Variants in ALS2 observed in about 807,000 individuals in gnomAD.
ALS2 encodes the protein alsin Rho guanine nucleotide exchange factor ALS2.
ALS2 carries 117 observed loss-of-function variants against 203.4 expected under a neutral mutation model. The observed-to-expected ratio is 0.58, with a 90% CI of 0.50 to 0.67. The LOEUF (loss-of-function observed/expected upper bound fraction) is 0.67, where lower values mean the gene tolerates loss of function less well. Ranked by LOEUF, ALS2 falls within the 30% of genes least tolerant of loss-of-function variation. The probability of loss-of-function intolerance (pLI) is 0.00; values close to 1 mark genes in which losing one functional copy is unlikely to be tolerated. For synonymous variants in ALS2, 718 were observed against 725.9 expected (o/e 0.99, Z 0.17); for missense variants, 1,715 against 1,989.4 (o/e 0.86, Z 2.62).
intron 29 of ALS2, among the ~76,000 whole-genome samples, chr2:201,706,535 T>TTATATA (rs34345642): frequency 0.052 from 7,489 of 143,740 alleles, 272 homozygotes; most frequent in East Asian, 0.21. Flanking sequence ...AGCTCACACT[T>TTATATA]TATATATATA....
At chr2:201,704,080 A>C (rs746460157) in intron 33 of ALS2, 42 bp downstream of exon 33, 2 of 1,520,708 alleles carry the variant, frequency 1.3e-6, no homozygotes, top group Non-Finnish European at 1.8e-6. Flanking sequence ...AATGAAAGAC[A>C]GATATGAAGA....
chr2:201,747,426 G>T (rs1442585845), intron 8 of ALS2, among the ~76,000 whole-genome samples: 1 of 151,312 alleles, frequency 6.6e-6, no homozygotes, highest in Non-Finnish European at 1.5e-5. Context: ...GCTACTGGGG[G>T]AAGGGGAATG....
intron 25 of ALS2, among the ~76,000 whole-genome samples, chr2:201,712,770 G>A (rs201295943): frequency 6.6e-6 from 1 of 150,388 alleles, no homozygotes; most frequent in African/African-American, 2.4e-5. Flanking sequence ...AAAAAGAAAA[G>A]AAGGTGAAAA....
chr2:201,735,753 G>A (rs1285635894), intron 12 of ALS2, among the ~76,000 whole-genome samples: 4 of 152,068 alleles, frequency 2.6e-5, no homozygotes, highest in East Asian at 1.9e-4. Context: ...AATCTAACTC[G>A]GAAATACCAG....
chr2:201,723,655 G>T (rs1690960686), intron 21 of ALS2, among the ~76,000 whole-genome samples: 2 of 152,288 alleles, frequency 1.3e-5, no homozygotes, highest in East Asian at 3.9e-4. Flanking sequence ...ATTTAATGTT[G>T]TGGTCTGACA....
At chr2:201,750,178 A>AAG (rs1375514665) in intron 7 of ALS2, among the ~76,000 whole-genome samples, 7 of 151,444 alleles carry the variant, frequency 4.6e-5, no homozygotes, top group Admixed American at 3.9e-4. Context: ...CAAAAAAAAA[A>AAG]AAAAGAAAAG....
chr2:201,708,713 T>C (rs1367131060), intron 27 of ALS2, among the ~76,000 whole-genome samples: 1 of 152,236 alleles, frequency 6.6e-6, no homozygotes, highest in African/African-American at 2.4e-5. Context: ...AGTTCTGCCA[T>C]AGATTTTATC....
chr2:201,761,827 TA>T lies in ALS2; in HGVS notation c.176-10del, dbSNP rs777661762. ...GCTGTAGACCTCACCATCTGAAGGT[TA>T]AAAAAAAGAAAAAAGAAAAAAAAAA... is the stretch of plus-strand genomic sequence containing the variant. On this transcript the variant is annotated splice_polypyrimidine_tract_variant and intron_variant, in intron 3 of 33. Coordinates refer to ENST00000264276, the MANE Select transcript of ALS2 (RefSeq NM_020919.4). 3 of 1,606,154 alleles carry T rather than the reference TA, an allele frequency of 1.9e-6. No homozygotes were observed. The highest frequency in any genetic ancestry group is 2.5e-6 in the Non-Finnish European group (3 of 1,177,394).
At chr2:201,722,726 T>C (rs1447417597) in intron 23 of ALS2, 9 of 323,080 alleles carry the variant, frequency 2.8e-5, no homozygotes, top group Admixed American at 4.6e-5. Context: ...ATAGAGGAGA[T>C]TGCATGTATG....
In ALS2 at chr2:201,736,393, C is replaced by T. The variant is rs570781281; in HGVS notation, c.2417+2277G>A. On this transcript the variant is annotated intron_variant, in intron 12 of 33. Transcript: ENST00000264276. ...TCATAATGGATTAGAAAAATACTTT[C>T]GAAAATATTTAGAACTGAATGACTA... 6.6e-4 allele frequency among the ~76,000 whole-genome samples: 100 copies of T among 152,102 alleles called. 2 individuals carry two copies. Among genetic ancestry groups the T allele is most frequent in the African/African-American group, 1.8e-3 (73 of 41,502 alleles).
chr2:201,705,396 G>C lies in ALS2; in HGVS notation c.4626+20C>G. The C allele has an allele frequency of 1.2e-6, 2 of 1,612,608 alleles. No homozygotes were observed. Among genetic ancestry groups the C allele is most frequent in the Non-Finnish European group, 1.7e-6 (2 of 1,178,716 alleles). ...ATTAGAGAAAAGCATATTTGCTGAG[G>C]AAAAGAAAATCTACTATACCTTTTT... On this transcript the variant is annotated intron_variant, in intron 30 of 33. Transcript: ENST00000264276.
intron 11 of ALS2, 131 bp from the exon 12 acceptor site, chr2:201,738,866 C>A: frequency 1.2e-6 from 1 of 812,460 alleles, no homozygotes. Context: ...GTGATGTCAA[C>A]ATTTGTGAAG....
rs1189818174 is a variant in ALS2, at chr2:201,733,309, T to G, written c.2547A>C (p.Lys849Asn). Residue 849 changes from lysine (K) to asparagine (N), a missense_variant, in exon 13 of 34, where the codon AAA becomes AAC. Lys to Asn is a moderately conservative substitution (Grantham distance 94). This residue lies in a region of ALS2 where 1,227 missense variants were observed against 1,413.5 expected (regional missense o/e 0.87). Coordinates refer to ENST00000264276, the MANE Select transcript of ALS2 (RefSeq NM_020919.4). Reference sequence around the variant, plus strand: ...AACAAGTAGCAAGCTTTAGCAAAACTTTTGCGTAATTATGAAGTCGTCTGA... The same window carrying G: ...AACAAGTAGCAAGCTTTAGCAAAACGTTTGCGTAATTATGAAGTCGTCTGA... ...LPIRRLHNYA[K>N]VLLKLATCFE... is the part of the protein sequence containing the mutation. 6.2e-7 allele frequency: 1 copy of G among 1,613,814 alleles called. No individual in the cohort carries two copies.
intron 2 of ALS2, 22 bp from the exon 3 acceptor site, chr2:201,767,405 C>T (rs778962282): frequency 6.2e-7 from 1 of 1,612,482 alleles, no homozygotes; most frequent in Non-Finnish European, 8.5e-7. Flanking sequence ...AGAAACATAG[C>T]TTAATTGTTT....
At chr2:201,774,247 A>C (rs1694552693) in intron 1 of ALS2, among the ~76,000 whole-genome samples, 1 of 152,208 alleles carries the variant, frequency 6.6e-6, no homozygotes, top group Admixed American at 6.5e-5. Flanking sequence ...GCAGAGCCAA[A>C]GTCCCAGACA....
At chr2:201,744,230 TGGTG>T in intron 10 of ALS2, 24 bp downstream of exon 10, 1 of 1,599,116 alleles carries the variant, frequency 6.3e-7, no homozygotes, top group Non-Finnish European at 8.6e-7. Flanking sequence ...GATGGTTTAA[TGGTG>T]GGAGAGAGGG....
chr2:201,724,286 ATACTG>A lies in ALS2; in HGVS notation c.3512+4_3512+8del. ...CTTAAACTGTGGGAATAGAAGGAGA[ATACTG>A]TACCTAGTGATATCATCAAAGACAC... On this transcript the variant is annotated splice_donor_5th_base_variant and intron_variant, in intron 21 of 33. Coordinates refer to ENST00000264276, the MANE Select transcript of ALS2 (RefSeq NM_020919.4). The A allele has an allele frequency of 6.2e-7, 1 of 1,611,832 alleles. No individual in the cohort carries two copies. The highest frequency in any genetic ancestry group is 2.2e-5 in the East Asian group (1 of 44,844).
chr2:201,772,759 C>A (rs902018665), intron 1 of ALS2, among the ~76,000 whole-genome samples: 2 of 149,300 alleles, frequency 1.3e-5, no homozygotes, highest in African/African-American at 5.0e-5. Flanking sequence ...AACTTGGTTT[C>A]TTTTATGTAC....
chr2:201,721,074 A>G lies in ALS2; in HGVS notation c.3702+1969T>C, dbSNP rs1261341077. Among the ~76,000 whole-genome samples, 3 of 152,354 alleles carry G rather than the reference A, an allele frequency of 2.0e-5. No individual in the cohort carries two copies. In the East Asian group the frequency reaches 5.8e-4, roughly 29 times the overall value. ...TGAAATTAAGAAAACAACGCTTTAC[A>G]ATAGCATCAATAAAATACTTAGAAA... is the stretch of plus-strand genomic sequence containing the variant. On this transcript the variant is annotated intron_variant, in intron 23 of 33. Coordinates refer to ENST00000264276, the MANE Select transcript of ALS2 (RefSeq NM_020919.4).
Sources: gnomAD v4.1 joint callset for allele counts (sites outside exome capture counted in the v4.1 genomes callset) on GRCh38, gnomAD v4.1.1 for gene constraint, gnomAD v4.1.1 regional missense constraint, MANE v1.5 for transcripts, NCBI Gene and HGNC (gene_info 2026-07-23, HGNC 2026-07-21) for gene names.